The following RELN variants were observed in gnomAD, a reference collection of about 807,000 sequenced individuals.
RELN encodes the protein reelin.
RELN carries 108 observed loss-of-function variants against 427.6 expected under a neutral mutation model. The observed-to-expected ratio is 0.25, with a 90% CI of 0.22 to 0.30. The LOEUF (loss-of-function observed/expected upper bound fraction) is 0.30, where lower values mean the gene tolerates loss of function less well. Among genes scored for constraint, RELN ranks in the 10% least tolerant of loss-of-function variants. The probability of loss-of-function intolerance (pLI) is 1.00; values close to 1 mark genes in which losing one functional copy is unlikely to be tolerated. For missense variants in RELN, 3,715 were observed against 4,302.8 expected (o/e 0.86, Z 3.82); for synonymous variants, 1,524 against 1,513.4 (o/e 1.01, Z -0.16).
At chr7:103,593,975 C>A in intron 26 of RELN, 93 bp from the exon 27 acceptor site, 1 of 959,470 alleles carries the variant, frequency 1.0e-6, no homozygotes, top group Non-Finnish European at 1.6e-6. Context: ...GGGCCATGTA[C>A]CATTTGCATT....
chr7:103,812,883 C>A (rs574599183), intron 3 of RELN, among the ~76,000 whole-genome samples: 1 of 152,146 alleles, frequency 6.6e-6, no homozygotes, highest in East Asian at 1.9e-4. Context: ...CTAATTCTAG[C>A]TTATCTAATA....
chr7:103,488,885 G>A (rs1828541240), intron 60 of RELN, among the ~76,000 whole-genome samples: 2 of 152,144 alleles, frequency 1.3e-5, no homozygotes, highest in Non-Finnish European at 2.9e-5. Context: ...AGAATAAGTT[G>A]GTGTATACTA....
At chr7:103,687,720 G>T (rs1024848281) in intron 10 of RELN, among the ~76,000 whole-genome samples, 1 of 152,056 alleles carries the variant, frequency 6.6e-6, no homozygotes, top group Non-Finnish European at 1.5e-5. Flanking sequence ...TGAATATTGT[G>T]TTAACTCAAT....
chr7:103,510,815 A>G (rs1829382456), intron 51 of RELN, 36 bp downstream of exon 51: 2 of 1,536,200 alleles, frequency 1.3e-6, no homozygotes, highest in South Asian at 1.1e-5. Context: ...TTGCTAATGT[A>G]TGGTTGTTTA....
intron 1 of RELN, among the ~76,000 whole-genome samples, chr7:103,985,515 A>G (rs889817255): frequency 6.6e-6 from 1 of 152,188 alleles, no homozygotes; most frequent in Admixed American, 6.5e-5. Context: ...GACTGAATAA[A>G]GCCAACCTTG....
At chr7:103,909,764 ATAT>A (rs1181718593) in intron 2 of RELN, among the ~76,000 whole-genome samples, 12,845 of 97,512 alleles carry the variant, frequency 0.13, 1,900 homozygotes, top group South Asian at 0.2. Context: ...TTAAATATAT[ATAT>A]TTAATATATA....
At chr7:103,726,945 CTGTT>C (rs1217574700) in intron 7 of RELN, among the ~76,000 whole-genome samples, 3 of 152,066 alleles carry the variant, frequency 2.0e-5, no homozygotes, top group African/African-American at 7.2e-5. Context: ...CCAATTAATT[CTGTT>C]TGTGTTGTAA....
intron 20 of RELN, among the ~76,000 whole-genome samples, chr7:103,612,598 A>G (rs1831986578): frequency 6.6e-6 from 1 of 152,162 alleles, no homozygotes; most frequent in Non-Finnish European, 1.5e-5. Flanking sequence ...AAAAAGCCAT[A>G]AAATTATGCA....
rs149595081 is a variant in RELN, at chr7:103,912,160, T to TCCC, written c.337+4912_337+4914dup. On this transcript the variant is annotated intron_variant, in intron 2 of 64. Transcript: ENST00000428762. Reference sequence around the variant, plus strand: ...AAATTCCTACACCTGTTCACTACATTCCCCCCCAACTTGGATTTAATCAAA... The same window carrying TCCC: ...AAATTCCTACACCTGTTCACTACATTCCCCCCCCCCAACTTGGATTTAATCAAA... 1.1e-4 allele frequency among the ~76,000 whole-genome samples: 17 copies of TCCC among 151,176 alleles called. No individual in the cohort carries two copies. The South Asian group carries it at 1.9e-3, about 17-fold the overall frequency.
In RELN at chr7:103,650,401, C is replaced by G. The variant is rs1832890175; in HGVS notation, c.1893-18G>C. The G allele has an allele frequency of 2.1e-6, 3 of 1,398,980 alleles. No individual in the cohort carries two copies. The highest frequency in any genetic ancestry group is 2.0e-6 in the Non-Finnish European group (2 of 984,222). The allele number at this position is 1,398,980 out of a possible 1,614,324, so 86.7% of individuals were successfully genotyped here. ...GGTTCCACCTGCAAGAAATTTAGCA[C>G]AAAACCATCTTCACAACTATGTTCA... On this transcript the variant is annotated intron_variant, in intron 15 of 64. Transcript: ENST00000428762.
chr7:103,482,404 G>T (rs531555528), intron 63 of RELN: 2 of 197,324 alleles, frequency 1.0e-5, no homozygotes, highest in Admixed American at 1.1e-4. Context: ...GATTGGTCAG[G>T]AGGAATCTGA....
chr7:103,824,137 G>C lies in RELN; in HGVS notation c.473+9400C>G, dbSNP rs1383329458. On this transcript the variant is annotated intron_variant, in intron 3 of 64. Coordinates refer to ENST00000428762, the MANE Select transcript of RELN (RefSeq NM_005045.4). The surrounding 1 kb of genome is among the most constrained non-coding windows in gnomAD (Gnocchi z 4.4). ...AGTACTAATTTATTTTATTTATCTT[G>C]CTTAGATAGAAAACACACACATCTT... Among the ~76,000 whole-genome samples, 1 of 151,894 alleles carries C rather than the reference G, an allele frequency of 6.6e-6. No homozygotes were observed. The highest frequency in any genetic ancestry group is 1.5e-5 in the Non-Finnish European group (1 of 67,970).
intron 16 of RELN, among the ~76,000 whole-genome samples, chr7:103,646,402 T>C (rs1432463958): frequency 6.7e-6 from 1 of 148,776 alleles, no homozygotes; most frequent in Admixed American, 6.7e-5. Context: ...GAAGAGAGAA[T>C]ATTCAAATAA....
In RELN at chr7:103,636,443, C is replaced by G; in HGVS notation, c.2095G>C (p.Ala699Pro). Residue 699 changes from alanine (A) to proline (P), a missense_variant, in exon 18 of 65, where the codon GCT becomes CCT. Coordinates refer to ENST00000428762, the MANE Select transcript of RELN (RefSeq NM_005045.4). ...CKCDPGFSGP[A>P]CEMASQTFPM... ...AATGTCTGGGATGCCATCTCACAAG[C>G]TGGGCCAGAAAATCCAGGGTCACAC... 1 of 1,613,624 alleles carries G rather than the reference C, an allele frequency of 6.2e-7. No individual in the cohort carries two copies. Among genetic ancestry groups the G allele is most frequent in the Non-Finnish European group, 8.5e-7 (1 of 1,179,706 alleles).
chr7:103,504,002 G>C (rs956403739), intron 51 of RELN, among the ~76,000 whole-genome samples: 41 of 151,240 alleles, frequency 2.7e-4, no homozygotes, highest in Admixed American at 2.5e-3. Context: ...TCAGGAGTTT[G>C]AGACCAGCCT....
intron 6 of RELN, among the ~76,000 whole-genome samples, chr7:103,746,083 A>T (rs1790818384): frequency 6.6e-6 from 1 of 152,120 alleles, no homozygotes; most frequent in Admixed American, 6.6e-5. Context: ...AGACCAATGG[A>T]ACAGAACAGA....
intron 2 of RELN, among the ~76,000 whole-genome samples, chr7:103,865,909 G>A (rs952311150): frequency 1.3e-5 from 2 of 152,108 alleles, no homozygotes; most frequent in South Asian, 2.1e-4. Flanking sequence ...GAAAGGCAAA[G>A]TGTGGGAAAC....
chr7:103,895,951 G>C lies in RELN; in HGVS notation c.337+21124C>G, dbSNP rs146872408. On this transcript the variant is annotated intron_variant, in intron 2 of 64. Transcript: ENST00000428762. ...ATTCACAAAACATACATCTGATAGA[G>C]GACTGATACACAGGATATATTACAA... 9.8e-3 allele frequency among the ~76,000 whole-genome samples: 1,495 copies of C among 152,084 alleles called. 26 individuals are homozygous for C. The highest frequency in any genetic ancestry group is 0.034 in the African/African-American group (1,394 of 41,500).
chr7:103,589,428 T>C (rs80352332), intron 28 of RELN, among the ~76,000 whole-genome samples, 168 bp downstream of exon 28: 1 of 152,240 alleles, frequency 6.6e-6, no homozygotes, highest in African/African-American at 2.4e-5. Flanking sequence ...GTTTTTATGT[T>C]TCTCAGATAA....
Sources: allele counts gnomAD v4.1 joint callset (sites outside exome capture counted in the v4.1 genomes callset), GRCh38; gene constraint gnomAD v4.1.1; non-coding constraint Gnocchi (gnomAD v3.1); transcripts MANE v1.5; gene names NCBI Gene and HGNC (gene_info 2026-07-23, HGNC 2026-07-21).